The following CUL2 variants were observed in gnomAD, a reference collection of about 807,000 sequenced individuals.
CUL2 encodes cullin 2, also known as cullin-2.
A neutral mutation model predicts 110.2 loss-of-function variants in CUL2; 22 were observed. That is an observed-to-expected ratio of 0.20 (90% CI 0.14 to 0.28). CUL2 has a LOEUF of 0.28. CUL2 is among the 10% of genes least tolerant of loss of function. The probability of loss-of-function intolerance (pLI) is 1.00; values close to 1 mark genes in which losing one functional copy is unlikely to be tolerated. For missense variants in CUL2, 631 were observed against 905.5 expected, an observed-to-expected ratio of 0.70 and a Z score of 3.89; for synonymous variants, 279 against 293.2, an observed-to-expected ratio of 0.95 and a Z score of 0.49.
intron 2 of CUL2, among the ~76,000 whole-genome samples, chr10:35,066,522 A>G (rs2086530374): frequency 6.6e-6 from 1 of 151,938 alleles, no homozygotes; most frequent in Non-Finnish European, 1.5e-5. Context: ...CTGGTCTCAA[A>G]CTCCTGACCT....
At chr10:35,093,102 G>C (rs80044555), upstream of CUL2, among the ~76,000 whole-genome samples, 1,703 of 152,008 alleles carry the variant, frequency 0.011, 10 homozygotes, top group Non-Finnish European at 0.017. Flanking sequence ...CAGCACTCAA[G>C]GACTGTTTTC....
At chr10:35,061,637 A>C (rs2086384552) in intron 3 of CUL2, among the ~76,000 whole-genome samples, 1 of 152,192 alleles carries the variant, frequency 6.6e-6, no homozygotes, top group African/African-American at 2.4e-5. Flanking sequence ...TTGCTATCAA[A>C]AGCACTTTTA....
At chr10:35,066,646 C>T (rs991413651) in intron 2 of CUL2, among the ~76,000 whole-genome samples, 2 of 152,122 alleles carry the variant, frequency 1.3e-5, no homozygotes, top group African/African-American at 2.4e-5. Flanking sequence ...GCAGTATCTA[C>T]GAAATCATGC....
intron 15 of CUL2, 126 bp downstream of exon 15, chr10:35,029,362 C>T (rs538277950): frequency 3.5e-4 from 235 of 666,630 alleles, no homozygotes; most frequent in Admixed American, 1.6e-3. Context: ...CAGCCCAAAT[C>T]AATAGGACTT....
chr10:35,067,136 T>C (rs1251423445), intron 2 of CUL2, among the ~76,000 whole-genome samples: 1 of 108,010 alleles, frequency 9.3e-6, no homozygotes, highest in Non-Finnish European at 1.9e-5. Flanking sequence ...CAAAACTCCA[T>C]CTCAAAAAAA....
At chr10:35,045,238 C>T (rs531715262) in intron 6 of CUL2, among the ~76,000 whole-genome samples, 1 of 152,252 alleles carries the variant, frequency 6.6e-6, no homozygotes, top group Non-Finnish European at 1.5e-5. Context: ...CTACAAACTA[C>T]AAAGTCTTAA....
At chr10:35,030,772 T>G (rs1356767193) in intron 14 of CUL2, among the ~76,000 whole-genome samples, 1 of 152,140 alleles carries the variant, frequency 6.6e-6, no homozygotes, top group Non-Finnish European at 1.5e-5. Flanking sequence ...GCACACCTAT[T>G]GTCCCAGCTG....
intron 20 of CUL2, among the ~76,000 whole-genome samples, chr10:35,011,233 A>G (rs111613185): frequency 0.19 from 22,411 of 120,962 alleles, 1,884 homozygotes; most frequent in East Asian, 0.29. Flanking sequence ...TTTTTTTTTT[A>G]GGTGAGATGG....
chr10:35,073,261 G>A (rs1372495111), intron 1 of CUL2, among the ~76,000 whole-genome samples: 1 of 152,128 alleles, frequency 6.6e-6, no homozygotes, highest in Non-Finnish European at 1.5e-5. Flanking sequence ...CTGCAAAATT[G>A]AGGGGAAGGT....
intron 1 of CUL2, among the ~76,000 whole-genome samples, chr10:35,080,606 C>T (rs888568856): frequency 5.4e-4 from 82 of 152,122 alleles, no homozygotes; most frequent in African/African-American, 1.9e-3. Context: ...TACAGGCACA[C>T]ACCACTGCAC....
intron 2 of CUL2, among the ~76,000 whole-genome samples, chr10:35,064,528 G>A (rs2086467621): frequency 6.6e-6 from 1 of 152,080 alleles, no homozygotes; most frequent in Non-Finnish European, 1.5e-5. Context: ...CCTAGCACTT[G>A]ATGATTTATT....
intron 9 of CUL2, among the ~76,000 whole-genome samples, chr10:35,037,426 T>C (rs977090373): frequency 1.3e-5 from 2 of 152,246 alleles, no homozygotes; most frequent in Admixed American, 1.3e-4. Flanking sequence ...CTATAGGTTT[T>C]ACAATAAGTC....
intron 2 of CUL2, among the ~76,000 whole-genome samples, chr10:35,098,769 A>T (rs1564752529): frequency 1.3e-5 from 2 of 151,572 alleles, no homozygotes; most frequent in Non-Finnish European, 2.9e-5. Flanking sequence ...CATCTCTACT[A>T]AAAAAAACCA....
chr10:35,033,340 T>C, intron 10 of CUL2, 67 bp from the exon 11 acceptor site: 1 of 985,118 alleles, frequency 1.0e-6, no homozygotes, highest in Non-Finnish European at 1.6e-6. Flanking sequence ...CTATGAGGTT[T>C]ATTAGACTTA....
Position 35,035,301 on chromosome 10 carries a change from G to A in CUL2, c.878-5C>T. On this transcript the variant is annotated splice_polypyrimidine_tract_variant and splice_region_variant and intron_variant, in intron 9 of 20. Transcript: ENST00000374749. ...AGACGTACATATTTGCCATGTCTGA[G>A]AGGAAAAAGACATCTGAGGGTTAAC... 1 of 1,612,928 alleles carries A rather than the reference G, an allele frequency of 6.2e-7. No individual in the cohort carries two copies. Among genetic ancestry groups the A allele is most frequent in the Non-Finnish European group, 8.5e-7 (1 of 1,179,456 alleles).
intron 5 of CUL2, among the ~76,000 whole-genome samples, chr10:35,050,397 C>T (rs1385243247): frequency 6.6e-6 from 1 of 151,690 alleles, no homozygotes; most frequent in Non-Finnish European, 1.5e-5. Flanking sequence ...ATACCTAGAC[C>T]GTAACAGAAA....
chr10:35,095,719 C>T (rs116146175), intron 2 of CUL2, among the ~76,000 whole-genome samples: 388 of 152,186 alleles, frequency 2.5e-3, no homozygotes, highest in African/African-American at 9.0e-3. Flanking sequence ...CCAATACACC[C>T]AGCGAATTTT....
intron 17 of CUL2, among the ~76,000 whole-genome samples, chr10:35,023,313 C>T (rs551955481): frequency 1.3e-5 from 2 of 152,052 alleles, no homozygotes; most frequent in South Asian, 2.1e-4. Flanking sequence ...TCAGTACCTT[C>T]GGTGACTCAA....
rs1360954771 is a variant in CUL2, at chr10:35,054,425, A to C, written c.423+9T>G. The stretch of plus-strand genomic sequence containing the variant: ...CTTATGTTTGCTAGTCACTTAAAGA[A>C]TGTCCTACCTCTCCTATTTCCATAA... On this transcript the variant is annotated intron_variant, in intron 5 of 20. Transcript: ENST00000374749. The C allele has an allele frequency of 1.4e-6, 2 of 1,441,078 alleles. No homozygotes were observed. Among genetic ancestry groups the C allele is most frequent in the African/African-American group, 2.9e-5 (2 of 69,800 alleles). The allele number at this position is 1,441,078 out of a possible 1,614,324, so 89.3% of individuals were successfully genotyped here. A position where few individuals can be genotyped will look rare whatever the true frequency, so the allele number is the denominator to read the frequency against.
Sources: allele counts gnomAD v4.1 joint callset (sites outside exome capture counted in the v4.1 genomes callset), GRCh38; gene constraint gnomAD v4.1.1; transcripts MANE v1.5; gene names NCBI Gene and HGNC (gene_info 2026-07-23, HGNC 2026-07-21).